LY75: variants seen among roughly 807,000 people sequenced by gnomAD.
LY75 encodes the protein C-type lectin domain family 13 member B.
In LY75, 185 loss-of-function variants were observed where a neutral mutation model predicts 231.7. That is an observed-to-expected ratio of 0.80 (90% CI 0.71 to 0.90). The LOEUF (loss-of-function observed/expected upper bound fraction) is 0.90. Among genes scored for constraint, LY75 ranks in the 40% least tolerant of loss-of-function variants. The pLI is 0.00. For synonymous variants in LY75, 668 were observed against 689.0 expected, an observed-to-expected ratio of 0.97 and a Z score of 0.48; for missense variants, 1,947 against 2,050.2, an observed-to-expected ratio of 0.95 and a Z score of 0.97.
At chr2:159,890,165 C>A in intron 4 of LY75, 48 bp downstream of exon 4, 10 of 1,578,074 alleles carry the variant, frequency 6.3e-6, no homozygotes, top group Non-Finnish European at 8.6e-6. Context: ...GAAGAAGTAC[C>A]TTTACAATTT....
chr2:159,811,694 G>A (rs1023896826), intron 31 of LY75, among the ~76,000 whole-genome samples: 1 of 152,158 alleles, frequency 6.6e-6, no homozygotes, highest in Non-Finnish European at 1.5e-5. Flanking sequence ...CGGCTACTGT[G>A]AGACTCTTTA....
intron 6 of LY75, among the ~76,000 whole-genome samples, chr2:159,883,332 G>T (rs574472363): frequency 6.6e-6 from 1 of 151,178 alleles, no homozygotes; most frequent in South Asian, 2.1e-4. Context: ...TTTACTAAAG[G>T]ATAAAGTGAT....
chr2:159,833,896 T>G (rs1382122512), intron 27 of LY75, 148 bp downstream of exon 27: 11 of 839,676 alleles, frequency 1.3e-5, no homozygotes, highest in Non-Finnish European at 1.9e-5. Context: ...TAAACATGTC[T>G]TTGCTTCTCC....
intron 33 of LY75, 48 bp downstream of exon 33, chr2:159,808,401 T>A (rs1013961916): frequency 6.2e-7 from 1 of 1,612,320 alleles, no homozygotes; most frequent in Middle Eastern, 1.7e-4. Flanking sequence ...TTATTTAGGA[T>A]GAGTTAGAAC....
intron 12 of LY75, among the ~76,000 whole-genome samples, chr2:159,873,505 G>A (rs904542446): frequency 6.6e-6 from 1 of 152,142 alleles, no homozygotes; most frequent in African/African-American, 2.4e-5. Flanking sequence ...GGAAGGGCTG[G>A]AGCCCAGCAC....
At chr2:159,824,894 G>T (rs1020411216) in intron 28 of LY75, among the ~76,000 whole-genome samples, 1 of 152,150 alleles carries the variant, frequency 6.6e-6, no homozygotes, top group Non-Finnish European at 1.5e-5. Context: ...AAATAAAGAT[G>T]TTCTTTGAAA....
chr2:159,888,468 T>C (rs910838828), intron 4 of LY75, among the ~76,000 whole-genome samples: 1 of 152,220 alleles, frequency 6.6e-6, no homozygotes, highest in Non-Finnish European at 1.5e-5. Flanking sequence ...CTGTTGGGTA[T>C]ATTATTTCTA....
At chr2:159,876,744 G>A (rs1213190479) in intron 11 of LY75, among the ~76,000 whole-genome samples, 3 of 151,828 alleles carry the variant, frequency 2.0e-5, no homozygotes, top group Admixed American at 6.6e-5. Flanking sequence ...GGTGGCTCAC[G>A]CCTGTAATCC....
intron 12 of LY75, among the ~76,000 whole-genome samples, chr2:159,874,148 T>TGTAAATATATATAAAGTATATATATTTG (rs1685113156): frequency 7.9e-6 from 1 of 126,810 alleles, no homozygotes; most frequent in South Asian, 2.4e-4. Context: ...ATATATATTT[T>TGTAAATATATATAAAGTATATATATTTG]GTAAATATAT....
chr2:159,885,173 T>C lies in LY75; in HGVS notation c.1034A>G (p.Asn345Ser), dbSNP rs772149022. ...QLPYVCRKPL[N>S]NTVELTDVWT... ...GATACCTGTTAACTCCACTGTATTA[T>C]TTAATGGTTTCCTGCAGACATAGGG... The change falls in exon 6 of 35, where the codon AAT becomes AGT. Residue 345 changes from asparagine (N) to serine (S), a missense_variant. Physicochemically the swap from Asn to Ser is conservative, Grantham distance 46. Transcript: ENST00000263636. 1.8e-5 allele frequency: 29 copies of C among 1,613,514 alleles called. No homozygotes were observed. In the South Asian group the frequency reaches 3.2e-4, roughly 18 times the overall value.
chr2:159,807,187 GTAA>G, intron 33 of LY75, 47 bp from the exon 34 acceptor site: 1 of 1,569,084 alleles, frequency 6.4e-7, no homozygotes, highest in Non-Finnish European at 8.6e-7. Flanking sequence ...CACTAAACTA[GTAA>G]GTTACAAGCA....
chr2:159,888,692 A>G (rs73000763), intron 4 of LY75, among the ~76,000 whole-genome samples: 26,549 of 152,160 alleles, frequency 0.17, 2,636 homozygotes, highest in East Asian at 0.32. Context: ...CTTTGTGCAA[A>G]AGTGAAAAAC....
chr2:159,813,437 A>T (rs1683025767), intron 31 of LY75, among the ~76,000 whole-genome samples: 4 of 152,116 alleles, frequency 2.6e-5, no homozygotes, highest in Admixed American at 2.0e-4. Context: ...AACAACAGAA[A>T]TGTATGCTCT....
At chr2:159,886,552 T>A in intron 4 of LY75, 22 bp from the exon 5 acceptor site, 6 of 1,572,240 alleles carry the variant, frequency 3.8e-6, no homozygotes, top group Non-Finnish European at 5.2e-6. Flanking sequence ...AAAAAATTTT[T>A]AAAAAGTGAC....
intron 2 of LY75, 150 bp downstream of exon 2, chr2:159,898,538 G>T: frequency 7.6e-7 from 1 of 1,314,638 alleles, no homozygotes; most frequent in Non-Finnish European, 1.0e-6. Flanking sequence ...TAAGAATGTC[G>T]CTCAAAGTAA....
intron 27 of LY75, 131 bp from the exon 28 acceptor site, chr2:159,831,917 C>A: frequency 1.4e-6 from 1 of 697,942 alleles, no homozygotes; most frequent in South Asian, 2.4e-5. Context: ...CAATTAGAAA[C>A]ATATGTAAAA....
intron 16 of LY75, among the ~76,000 whole-genome samples, chr2:159,856,544 A>AAT (rs1431857262): frequency 6.6e-6 from 1 of 152,206 alleles, no homozygotes; most frequent in Non-Finnish European, 1.5e-5. Flanking sequence ...CAACCAGCTG[A>AAT]ATGCATCACA....
At position 159,886,541 on chromosome 2, in the gene LY75, T is replaced by C. The variant is rs763173577; in HGVS notation, c.803-11A>G. ...CAATGCCTTCTTTTTCTGTAAGAAT[T>C]AAAAAATTTTTAAAAAGTGACAAAG... On this transcript the variant is annotated splice_polypyrimidine_tract_variant and intron_variant, in intron 4 of 34. Coordinates refer to ENST00000263636, the MANE Select transcript of LY75 (RefSeq NM_002349.4). 4.2e-5 allele frequency: 66 copies of C among 1,578,328 alleles called. No individual in the cohort carries two copies. Among genetic ancestry groups the C allele is most frequent in the Non-Finnish European group, 5.1e-5 (60 of 1,166,464 alleles).
intron 29 of LY75, among the ~76,000 whole-genome samples, chr2:159,818,801 TA>T (rs914931771): frequency 3.0e-5 from 4 of 132,334 alleles, no homozygotes; most frequent in East Asian, 2.1e-4. Context: ...ATTAAAGATG[TA>T]AAAAAAATAA....
Sources: gnomAD v4.1 joint callset for allele counts (sites outside exome capture counted in the v4.1 genomes callset) on GRCh38, gnomAD v4.1.1 for gene constraint, MANE v1.5 for transcripts, NCBI Gene and HGNC (gene_info 2026-07-23, HGNC 2026-07-21) for gene names.